The following KLHL1 variants were observed in gnomAD, a reference collection of about 807,000 sequenced individuals.
KLHL1 encodes the protein kelch like family member 1.
KLHL1 carries 47 observed loss-of-function variants against 77.7 expected under a neutral mutation model. The observed-to-expected ratio is 0.60, with a 90% CI of 0.48 to 0.77. The LOEUF (loss-of-function observed/expected upper bound fraction) is 0.77, where lower values mean the gene tolerates loss of function less well. Among genes scored for constraint, KLHL1 ranks in the 30% least tolerant of loss-of-function variants. KLHL1 has a pLI of 0.00. For missense variants in KLHL1, 925 were observed against 910.8 expected, an observed-to-expected ratio of 1.02 and a Z score of -0.20; for synonymous variants, 360 against 325.2, an observed-to-expected ratio of 1.11 and a Z score of -1.15.
intron 1 of KLHL1, among the ~76,000 whole-genome samples, chr13:69,992,758 T>C (rs1885057179): frequency 1.3e-5 from 2 of 151,984 alleles, no homozygotes; most frequent in African/African-American, 2.4e-5. Flanking sequence ...ACTCCCTCAT[T>C]CTTATACTAA....
At chr13:69,953,800 T>C (rs922478013) in intron 3 of KLHL1, among the ~76,000 whole-genome samples, 6 of 151,236 alleles carry the variant, frequency 4.0e-5, no homozygotes, top group African/African-American at 1.5e-4. Context: ...ATAAGCAAAG[T>C]GAATATCCTC....
chr13:69,826,196 T>G (rs945299724), intron 6 of KLHL1, among the ~76,000 whole-genome samples: 6 of 152,156 alleles, frequency 3.9e-5, no homozygotes, highest in African/African-American at 1.4e-4. Context: ...GGAGAAATGT[T>G]GGTCAAGGAA....
At chr13:69,951,655 G>T (rs1421932077) in intron 3 of KLHL1, among the ~76,000 whole-genome samples, 3 of 151,388 alleles carry the variant, frequency 2.0e-5, no homozygotes, top group Non-Finnish European at 4.4e-5. Flanking sequence ...TGTTGACAAA[G>T]ATTTTGTATT....
At chr13:69,865,817 C>T (rs1880346768) in intron 5 of KLHL1, among the ~76,000 whole-genome samples, 1 of 152,104 alleles carries the variant, frequency 6.6e-6, no homozygotes, top group African/African-American at 2.4e-5. Flanking sequence ...TATCATTCCA[C>T]TCTCCTAAGA....
At chr13:69,881,464 T>C (rs1880985329) in intron 5 of KLHL1, among the ~76,000 whole-genome samples, 1 of 152,138 alleles carries the variant, frequency 6.6e-6, no homozygotes, top group African/African-American at 2.4e-5. Context: ...CTCACACAAA[T>C]TATATATACA....
rs76267666 is a variant in KLHL1, at chr13:69,914,597, T to C, written c.1014+25443A>G. Among the ~76,000 whole-genome samples, 1,107 of 152,310 alleles carry C rather than the reference T, an allele frequency of 7.3e-3. 11 individuals carry two copies. Among genetic ancestry groups the C allele is most frequent in the African/African-American group, 0.025 (1,051 of 41,566 alleles). ...TTAGCTAAGCACTAAAAATGTTATTTTGCCAGATAATGAAACATGATATCT... is the reference window on the plus strand; with the variant it reads ...TTAGCTAAGCACTAAAAATGTTATTCTGCCAGATAATGAAACATGATATCT... On this transcript the variant is annotated intron_variant, in intron 4 of 10. Transcript: ENST00000377844.
chr13:69,725,372 A>G (rs536555383), intron 8 of KLHL1, among the ~76,000 whole-genome samples: 1 of 152,226 alleles, frequency 6.6e-6, no homozygotes, highest in South Asian at 2.1e-4. Context: ...ATGAAGGAAA[A>G]TTGGAAGAAG....
intron 3 of KLHL1, among the ~76,000 whole-genome samples, chr13:69,944,348 C>T (rs1447521174): frequency 6.6e-6 from 1 of 152,170 alleles, no homozygotes; most frequent in Non-Finnish European, 1.5e-5. Context: ...AGTGGGACTC[C>T]ACTGGAAGGG....
At chr13:69,961,281 AATG>A (rs1884055616) in intron 3 of KLHL1, 24 bp downstream of exon 3, 2 of 1,585,082 alleles carry the variant, frequency 1.3e-6, no homozygotes, top group Non-Finnish European at 1.7e-6. Flanking sequence ...AAGACATCAG[AATG>A]ATGTTATAAT....
chr13:69,990,468 G>A (rs1448322240), intron 1 of KLHL1, among the ~76,000 whole-genome samples: 1 of 151,932 alleles, frequency 6.6e-6, no homozygotes, highest in African/African-American at 2.4e-5. Context: ...ATAAAGGGAT[G>A]AAGAAAAATC....
At chr13:69,774,847 C>T (rs1875749019) in intron 7 of KLHL1, among the ~76,000 whole-genome samples, 1 of 152,104 alleles carries the variant, frequency 6.6e-6, no homozygotes, top group Non-Finnish European at 1.5e-5. Context: ...ATCATTAAAG[C>T]TGCTACTGAA....
chr13:69,732,881 GT>G (rs1051403611), intron 8 of KLHL1, among the ~76,000 whole-genome samples: 12 of 152,088 alleles, frequency 7.9e-5, no homozygotes, highest in African/African-American at 2.9e-4. Context: ...CAGCTAAGCA[GT>G]GGCCCAAATA....
intron 1 of KLHL1, among the ~76,000 whole-genome samples, chr13:70,075,740 T>C (rs1390732571): frequency 8.7e-6 from 1 of 114,934 alleles, no homozygotes; most frequent in African/African-American, 3.2e-5. Context: ...TAGGTGTATA[T>C]ATATACACAC....
intron 3 of KLHL1, among the ~76,000 whole-genome samples, chr13:69,940,871 T>A (rs547772436): frequency 3.3e-5 from 5 of 150,564 alleles, no homozygotes; most frequent in Non-Finnish European, 7.4e-5. Flanking sequence ...ATAATTTTTT[T>A]AAAGGGATCT....
intron 1 of KLHL1, among the ~76,000 whole-genome samples, chr13:69,981,179 C>T (rs1172226989): frequency 6.6e-6 from 1 of 152,102 alleles, no homozygotes; most frequent in East Asian, 1.9e-4. Context: ...ATACATACTT[C>T]CTTGTATTTC....
At chr13:69,971,166 T>C (rs1884370884) in intron 2 of KLHL1, among the ~76,000 whole-genome samples, 1 of 152,104 alleles carries the variant, frequency 6.6e-6, no homozygotes, top group Non-Finnish European at 1.5e-5. Context: ...ATTTTTTCCA[T>C]GCCTCCGTTT....
intron 2 of KLHL1, among the ~76,000 whole-genome samples, chr13:69,964,185 A>C (rs1390361535): frequency 1.3e-5 from 2 of 152,080 alleles, no homozygotes; most frequent in Non-Finnish European, 2.9e-5. Flanking sequence ...CTAGGATCAC[A>C]AGTATATGCT....
chr13:70,080,467 G>A (rs1887366831), intron 1 of KLHL1, among the ~76,000 whole-genome samples: 1 of 152,080 alleles, frequency 6.6e-6, no homozygotes, highest in Non-Finnish European at 1.5e-5. Context: ...CCTCTTTGCT[G>A]GATGTTCTGT....
intron 8 of KLHL1, among the ~76,000 whole-genome samples, chr13:69,720,676 C>T (rs1464339440): frequency 6.6e-6 from 1 of 151,642 alleles, no homozygotes; most frequent in Non-Finnish European, 1.5e-5. Flanking sequence ...TGCAAAAAAA[C>T]TTGGAAGAGA....
Sources: allele counts gnomAD v4.1 joint callset (sites outside exome capture counted in the v4.1 genomes callset), GRCh38; gene constraint gnomAD v4.1.1; transcripts MANE v1.5; gene names NCBI Gene and HGNC (gene_info 2026-07-23, HGNC 2026-07-21).